Variants in ARMC10 observed in about 807,000 individuals in gnomAD.
The protein encoded by ARMC10 is armadillo repeat containing 10.
Under a neutral mutation model 30.2 loss-of-function variants are expected in ARMC10, and 23 were observed. The observed-to-expected ratio is 0.76, with a 90% confidence interval of 0.55 to 1.08. The LOEUF is 1.08. Ranked by LOEUF, ARMC10 falls within the 50% of genes least tolerant of loss-of-function variation. ARMC10 has a pLI of 0.00. For synonymous variants in ARMC10, 111 were observed against 164.4 expected (o/e 0.68, Z 2.48); for missense variants, 303 against 413.7 (o/e 0.73, Z 2.32).
intron 5 of ARMC10, 80 bp downstream of exon 5, chr7:103,092,733 A>G: frequency 1.9e-6 from 2 of 1,055,710 alleles, no homozygotes; most frequent in Non-Finnish European, 2.6e-6. Flanking sequence ...ATGTGCCTCA[A>G]AGAGGAAGAT....
In ARMC10 at chr7:103,075,325, C is replaced by T; in HGVS notation, c.53C>T (p.Ala18Val). Residue 18 changes from alanine (A) to valine (V), a missense_variant, in exon 1 of 7, where the codon GCG becomes GTG. Physicochemically the swap from Ala to Val is moderately conservative, Grantham distance 64. Around this residue, in one of 4 missense-constraint regions of ARMC10, gnomAD observed 11 missense variants for 27.6 expected, o/e 0.40. Coordinates refer to ENST00000323716, the MANE Select transcript of ARMC10 (RefSeq NM_031905.5). ...GTGGCGGCGGGCCTGCTGCTCGGCGCGGGCGCCTGCTACTGCATTTACAGG... is the reference window on the plus strand; with the variant it reads ...GTGGCGGCGGGCCTGCTGCTCGGCGTGGGCGCCTGCTACTGCATTTACAGG... ...GWVAAGLLLG[A>V]GACYCIYRLT... 7.2e-6 allele frequency: 9 copies of T among 1,243,002 alleles called. No homozygotes were observed. The highest frequency in any genetic ancestry group is 3.1e-5 in the African/African-American group (2 of 65,056). 77.0% of individuals were successfully genotyped at this position (1,243,002 alleles called of 1,614,324 possible).
intron 5 of ARMC10, 27 bp downstream of exon 5, chr7:103,092,680 A>G: frequency 6.8e-7 from 1 of 1,462,814 alleles, no homozygotes. Context: ...TGTCAAGCTT[A>G]TTAACATTGA....
intron 3 of ARMC10, 33 bp from the exon 4 acceptor site, chr7:103,086,597 A>C (rs1319101790): frequency 1.3e-6 from 2 of 1,561,774 alleles, no homozygotes; most frequent in Non-Finnish European, 8.6e-7. Context: ...CTGAAGTCCC[A>C]GTCCTGCTTT....
intron 2 of ARMC10, among the ~76,000 whole-genome samples, chr7:103,079,693 G>A (rs1427273685): frequency 6.6e-6 from 1 of 152,116 alleles, no homozygotes; most frequent in Non-Finnish European, 1.5e-5. Flanking sequence ...TTGAGTACAA[G>A]TAAATATACC....
At chr7:103,086,532 G>A (rs1244150106) in intron 3 of ARMC10, 98 bp from the exon 4 acceptor site, 43 of 1,322,834 alleles carry the variant, frequency 3.3e-5, no homozygotes, top group African/African-American at 1.4e-4. Flanking sequence ...CCAAAAAGCC[G>A]TTGATTTTTA....
intron 2 of ARMC10, chr7:103,083,146 G>A (rs914382629): frequency 1.5e-5 from 7 of 456,568 alleles, no homozygotes; most frequent in African/African-American, 1.4e-4. Context: ...TATAGTATTT[G>A]CATGAAGTGT....
chr7:103,088,333 T>A (rs1801029050), intron 4 of ARMC10, among the ~76,000 whole-genome samples: 1 of 152,150 alleles, frequency 6.6e-6, no homozygotes, highest in Non-Finnish European at 1.5e-5. Context: ...CCTTGGAAAT[T>A]GAGAACGCTT....
At chr7:103,083,895 T>G in intron 3 of ARMC10, 65 bp downstream of exon 3, 1 of 1,566,100 alleles carries the variant, frequency 6.4e-7, no homozygotes, top group Non-Finnish European at 8.7e-7. Context: ...ATTGTGACCC[T>G]GAATAAATTA....
chr7:103,078,120 G>A (rs1385586491), intron 2 of ARMC10, among the ~76,000 whole-genome samples: 4 of 151,952 alleles, frequency 2.6e-5, no homozygotes, highest in Non-Finnish European at 5.9e-5. Context: ...CTCGGCCTCC[G>A]GAGTAGCTGA....
At chr7:103,080,538 A>T (rs1800288106) in intron 2 of ARMC10, among the ~76,000 whole-genome samples, 2 of 152,154 alleles carry the variant, frequency 1.3e-5, no homozygotes, top group Admixed American at 1.3e-4. Flanking sequence ...TACAGGTGTG[A>T]GCCACCGTGC....
At chr7:103,095,932 T>G (rs1585788807) in intron 5 of ARMC10, 3 of 109,910 alleles carry the variant, frequency 2.7e-5, no homozygotes, top group Non-Finnish European at 1.8e-5. Flanking sequence ...TGGGGACTGT[T>G]GTGGGGTGGG....
chr7:103,087,900 C>A, intron 4 of ARMC10: 1 of 416,022 alleles, frequency 2.4e-6, no homozygotes, highest in Non-Finnish European at 3.2e-6. Context: ...GCAGACCATT[C>A]TTAATGTATC....
chr7:103,090,203 T>G (rs1801191088), intron 4 of ARMC10, among the ~76,000 whole-genome samples: 1 of 152,108 alleles, frequency 6.6e-6, no homozygotes, highest in African/African-American at 2.4e-5. Flanking sequence ...GTAAAAAGAT[T>G]CAGATATAAT....
chr7:103,097,606 G>C (rs913400570), intron 6 of ARMC10, among the ~76,000 whole-genome samples: 1 of 151,830 alleles, frequency 6.6e-6, no homozygotes, highest in Admixed American at 6.6e-5. Flanking sequence ...CCCAATTTTG[G>C]GTACAATTGT....
rs1324498743 is a variant in ARMC10, at chr7:103,075,798, C to T, written c.161C>T (p.Ser54Leu). ...KSAGALEEGT[S>L]EGQLCGRSAR... Reference sequence around the variant, plus strand: ...GCAGGTGCCCTGGAAGAAGGGACGTCAGAGGGTCAGTTGTGCGGGCGCTCG... The same window carrying T: ...GCAGGTGCCCTGGAAGAAGGGACGTTAGAGGGTCAGTTGTGCGGGCGCTCG... Residue 54 changes from serine (S) to leucine (L), a missense_variant, in exon 2 of 7, where the codon TCA (serine) becomes TTA (leucine). Around this residue, in one of 4 missense-constraint regions of ARMC10, gnomAD observed 96 missense variants for 84.2 expected, o/e 1.14. Coordinates refer to ENST00000323716, the MANE Select transcript of ARMC10 (RefSeq NM_031905.5). 6.2e-7 allele frequency: 1 copy of T among 1,610,066 alleles called. No homozygotes were observed. The highest frequency in any genetic ancestry group is 8.5e-7 in the Non-Finnish European group (1 of 1,178,332).
intron 2 of ARMC10, among the ~76,000 whole-genome samples, chr7:103,081,242 T>C (rs1800350127): frequency 6.6e-6 from 1 of 152,208 alleles, no homozygotes; most frequent in South Asian, 2.1e-4. Context: ...AACTACCACA[T>C]TGTGCCTCTT....
chr7:103,093,984 T>A (rs1326990030), intron 5 of ARMC10, among the ~76,000 whole-genome samples: 3 of 152,250 alleles, frequency 2.0e-5, no homozygotes, highest in Non-Finnish European at 4.4e-5. Flanking sequence ...TTTCTTGGTC[T>A]GCCTTGGAAC....
At chr7:103,085,261 T>TAA (rs1008046798) in intron 3 of ARMC10, among the ~76,000 whole-genome samples, 2 of 137,878 alleles carry the variant, frequency 1.5e-5, no homozygotes, top group Non-Finnish European at 1.6e-5. Flanking sequence ...ACAATACAGT[T>TAA]AAAAAAAAAA....
chr7:103,087,765 C>T, intron 4 of ARMC10: 1 of 984,876 alleles, frequency 1.0e-6, no homozygotes, highest in Non-Finnish European at 1.2e-6. Flanking sequence ...TAAAGACTTC[C>T]AGCCCAAAAC....
Sources: allele counts gnomAD v4.1 joint callset (sites outside exome capture counted in the v4.1 genomes callset), GRCh38; gene constraint gnomAD v4.1.1; regional missense constraint gnomAD v4.1.1; transcripts MANE v1.5; gene names NCBI Gene and HGNC (gene_info 2026-07-23, HGNC 2026-07-21).